The following MYO16 variants were observed in gnomAD, a reference collection of about 807,000 sequenced individuals.
The protein encoded by MYO16 is unconventional myosin-XVI.
MYO16 carries 94 observed loss-of-function variants against 205.3 expected under a neutral mutation model. The observed-to-expected ratio is 0.46, with a 90% CI of 0.39 to 0.54. MYO16 has a LOEUF of 0.54. Among genes scored for constraint, MYO16 ranks in the 20% least tolerant of loss-of-function variants. The pLI is 0.00. For synonymous variants in MYO16, 988 were observed against 954.0 expected (o/e 1.04, Z -0.66); for missense variants, 2,315 against 2,387.5 (o/e 0.97, Z 0.63).
chr13:108,634,405 T>C (rs1880129980), intron 1 of MYO16, among the ~76,000 whole-genome samples: 1 of 152,176 alleles, frequency 6.6e-6, no homozygotes, highest in African/African-American at 2.4e-5. Flanking sequence ...CCTTCAGCTC[T>C]CCCCTTTCTC....
At chr13:108,956,299 C>T (rs1188649103) in intron 16 of MYO16, among the ~76,000 whole-genome samples, 1 of 152,080 alleles carries the variant, frequency 6.6e-6, no homozygotes, top group Non-Finnish European at 1.5e-5. Context: ...CCCCCTTGTA[C>T]TGCCAGCTCT....
intron 1 of MYO16, among the ~76,000 whole-genome samples, chr13:108,599,517 T>A (rs983923948): frequency 1.3e-5 from 2 of 152,194 alleles, no homozygotes; most frequent in African/African-American, 4.8e-5. Context: ...TCTAGGCTGT[T>A]ACTTTGTAAT....
At chr13:108,497,032 T>A in the MYO16 span, among the ~76,000 whole-genome samples, 1 of 152,152 alleles carries the variant, frequency 6.6e-6, no homozygotes, top group Non-Finnish European at 1.5e-5. Context: ...ACAACACGCG[T>A]TTGTCATGTG....
intron 28 of MYO16, among the ~76,000 whole-genome samples, chr13:109,115,128 A>G (rs1291500525): frequency 1.3e-5 from 2 of 151,932 alleles, no homozygotes; most frequent in East Asian, 1.9e-4. Flanking sequence ...TTAAAAAAAA[A>G]GAAGTGCTCT....
chr13:109,194,004 T>G (rs1880039432), intron 34 of MYO16, among the ~76,000 whole-genome samples: 1 of 152,184 alleles, frequency 6.6e-6, no homozygotes, highest in Non-Finnish European at 1.5e-5. Context: ...TTTAAATGTG[T>G]TGTTTCTCTT....
In MYO16 at chr13:108,990,252, G is replaced by A. The variant is rs567909569; in HGVS notation, c.2370-2124G>A. On this transcript the variant is annotated intron_variant, in intron 20 of 34. Transcript: ENST00000457511. Reference sequence around the variant, plus strand: ...TTAGCACTGAATGAACATCATTCCAGACATCTCTTTGTGCATATCATAAGG... The same window carrying A: ...TTAGCACTGAATGAACATCATTCCAAACATCTCTTTGTGCATATCATAAGG... Among the ~76,000 whole-genome samples the A allele has an allele frequency of 5.1e-4, 78 of 152,012 alleles. No homozygotes were observed. In the Middle Eastern group the frequency reaches 0.02, roughly 40 times the overall value.
chr13:108,633,769 C>G (rs568679294), intron 1 of MYO16, among the ~76,000 whole-genome samples: 16 of 152,340 alleles, frequency 1.1e-4, no homozygotes, highest in African/African-American at 3.6e-4. Flanking sequence ...CTGATGAACA[C>G]CACCTCCAGT....
chr13:108,550,976 G>A, the MYO16 span, among the ~76,000 whole-genome samples: 1 of 152,114 alleles, frequency 6.6e-6, no homozygotes, highest in Non-Finnish European at 1.5e-5. Context: ...GCGGCACTTG[G>A]TATTACCCCT....
intron 1 of MYO16, among the ~76,000 whole-genome samples, chr13:108,650,857 C>T (rs546634484): frequency 1.3e-5 from 2 of 152,288 alleles, no homozygotes; most frequent in African/African-American, 4.8e-5. Flanking sequence ...CATCTGAAGG[C>T]ATCTGGAAAC....
At chr13:108,712,552 G>T in intron 2 of MYO16, 109 bp from the exon 3 acceptor site, 1 of 914,356 alleles carries the variant, frequency 1.1e-6, no homozygotes, top group Non-Finnish European at 1.8e-6. Context: ...CGTAGTCTTT[G>T]GTTTTCACAG....
At chr13:108,878,130 A>AG (rs1879413510) in intron 12 of MYO16, among the ~76,000 whole-genome samples, 4 of 152,218 alleles carry the variant, frequency 2.6e-5, no homozygotes, top group Admixed American at 2.6e-4. Flanking sequence ...GACAGGAGGC[A>AG]GGGAGACACT....
chr13:108,517,665 G>T, the MYO16 span, among the ~76,000 whole-genome samples: 1 of 152,198 alleles, frequency 6.6e-6, no homozygotes, highest in Non-Finnish European at 1.5e-5. Flanking sequence ...ATGTCAGGGA[G>T]CCACCTGTAG....
chr13:108,938,691 T>C (rs531546040), intron 16 of MYO16, among the ~76,000 whole-genome samples: 5 of 152,302 alleles, frequency 3.3e-5, no homozygotes, highest in Non-Finnish European at 5.9e-5. Context: ...GGCAAGCAGG[T>C]GCTGTGAATG....
At chr13:108,738,051 T>C (rs973776138) in intron 4 of MYO16, among the ~76,000 whole-genome samples, 4 of 152,236 alleles carry the variant, frequency 2.6e-5, no homozygotes, top group African/African-American at 9.6e-5. Flanking sequence ...TTGCTAGTGG[T>C]CTATCAATTT....
In MYO16 at chr13:109,125,398, T is replaced by C. The variant is rs1407157318; in HGVS notation, c.3782+40T>C. 7 of 1,610,104 alleles carry C rather than the reference T, an allele frequency of 4.3e-6. No individual in the cohort carries two copies. The highest frequency in any genetic ancestry group is 4.0e-5 in the African/African-American group (3 of 74,774). On this transcript the variant is annotated intron_variant, in intron 30 of 34. Transcript: ENST00000457511. The surrounding 1 kb of genome is among the most constrained non-coding windows in gnomAD (Gnocchi z 4.0). Reference sequence around the variant, plus strand: ...CATGCAATTTTAATTACCTTTGTGATTGGTTCAGTGGAGTCATGAAAATTC... The same window carrying C: ...CATGCAATTTTAATTACCTTTGTGACTGGTTCAGTGGAGTCATGAAAATTC...
At chr13:109,129,136 G>T (rs1409935151) in intron 31 of MYO16, among the ~76,000 whole-genome samples, 2 of 147,454 alleles carry the variant, frequency 1.4e-5, no homozygotes, top group Non-Finnish European at 3.0e-5. Context: ...TTGTCACCAT[G>T]CTGTACACTC....
the MYO16 span, among the ~76,000 whole-genome samples, chr13:108,564,977 T>A: frequency 6.6e-6 from 1 of 152,216 alleles, no homozygotes; most frequent in Non-Finnish European, 1.5e-5. Flanking sequence ...CTAGATTTGT[T>A]TCTGCATTCT....
chr13:108,934,763 A>C (rs1400890551), intron 16 of MYO16, among the ~76,000 whole-genome samples: 1 of 152,162 alleles, frequency 6.6e-6, no homozygotes, highest in African/African-American at 2.4e-5. Flanking sequence ...AGGTATTATA[A>C]AATGAATCTT....
At chr13:109,134,600 GTC>G (rs1307670589) in intron 31 of MYO16, among the ~76,000 whole-genome samples, 2 of 152,154 alleles carry the variant, frequency 1.3e-5, no homozygotes, top group African/African-American at 4.8e-5. Context: ...TGTCTGTGTG[GTC>G]TCTCTGCATT....
Sources: allele counts gnomAD v4.1 joint callset (sites outside exome capture counted in the v4.1 genomes callset), GRCh38; gene constraint gnomAD v4.1.1; non-coding constraint Gnocchi (gnomAD v3.1); transcripts MANE v1.5; gene names NCBI Gene and HGNC (gene_info 2026-07-23, HGNC 2026-07-21).